The following PCDHGA1 variants were observed in gnomAD, a reference collection of about 807,000 sequenced individuals.
PCDHGA1 encodes the protein protocadherin gamma-A1.
PCDHGA1 carries 32 observed loss-of-function variants against 58.0 expected under a neutral mutation model. The ratio of observed to expected loss-of-function variants is 0.55; its 90% CI spans 0.42 to 0.74. The LOEUF (loss-of-function observed/expected upper bound fraction) is 0.74. Ranked by LOEUF, PCDHGA1 falls within the 30% of genes least tolerant of loss-of-function variation. The probability of loss-of-function intolerance (pLI) is 0.00; values close to 1 mark genes in which losing one functional copy is unlikely to be tolerated. For synonymous variants in PCDHGA1, 498 were observed against 501.1 expected (o/e 0.99, Z 0.08); for missense variants, 1,205 against 1,182.3 (o/e 1.02, Z -0.28).
chr5:141,485,151 T>G lies in PCDHGA1; in HGVS notation c.2422-9656T>G. The G allele has an allele frequency of 2.5e-6, 4 of 1,584,876 alleles. No individual in the cohort carries two copies. Among genetic ancestry groups the G allele is most frequent in the Non-Finnish European group, 3.5e-6 (4 of 1,156,528 alleles). ...GCTTCATCCGCGTCTCAGGAGCAAG[T>G]AGAGAATTAGCGGGCGGCAGCAATG... On this transcript the variant is annotated intron_variant, in intron 1 of 3. Coordinates refer to ENST00000517417, the MANE Select transcript of PCDHGA1 (RefSeq NM_018912.3). The surrounding 1 kb of genome is among the most constrained non-coding windows in gnomAD (Gnocchi z 5.7).
intron 1 of PCDHGA1, chr5:141,384,203 A>T (rs568171038): frequency 6.2e-7 from 1 of 1,613,900 alleles, no homozygotes; most frequent in African/African-American, 1.3e-5. Context: ...TTGTCCAGGG[A>T]AACTCACATA....
At chr5:141,370,806 A>C in intron 1 of PCDHGA1, 1 of 1,614,054 alleles carries the variant, frequency 6.2e-7, no homozygotes, top group Non-Finnish European at 8.5e-7. Context: ...CCAAAATATC[A>C]CTGAGCTGGA....
intron 2 of PCDHGA1, among the ~76,000 whole-genome samples, chr5:141,503,269 C>T (rs1161751693): frequency 6.6e-6 from 1 of 152,116 alleles, no homozygotes; most frequent in Non-Finnish European, 1.5e-5. Flanking sequence ...ACCCCAGCAC[C>T]TGGCTCTGTG....
Position 141,330,850 on chromosome 5 carries a change from C to T in PCDHGA1, c.166C>T (p.Pro56Ser), listed in dbSNP as rs778107898. 1 of 1,614,196 alleles carries T rather than the reference C, an allele frequency of 6.2e-7. No individual in the cohort carries two copies. The highest frequency in any genetic ancestry group is 1.1e-5 in the South Asian group (1 of 91,080). Residue 56 changes from proline (P) to serine (S), a missense_variant, in exon 1 of 4, where the codon CCC becomes TCC. Transcript: ENST00000517417. Reference sequence around the variant, plus strand: ...CATCGCCAAGGACCTAGGGCTGCAACCCCAGGAGCTGGCAGATGGCGGAGT... The same window carrying T: ...CATCGCCAAGGACCTAGGGCTGCAATCCCAGGAGCTGGCAGATGGCGGAGT... ...GNIAKDLGLQPQELADGGVRI... is the reference protein window; with the variant it reads ...GNIAKDLGLQSQELADGGVRI...
chr5:141,364,280 G>A, intron 1 of PCDHGA1: 1 of 1,516,138 alleles, frequency 6.6e-7, no homozygotes, highest in African/African-American at 1.4e-5. Context: ...GATAAATAAG[G>A]AAACAGCAGG....
chr5:141,374,564 G>C (rs898196714), intron 1 of PCDHGA1: 10 of 1,613,616 alleles, frequency 6.2e-6, no homozygotes, highest in Middle Eastern at 1.6e-4. Flanking sequence ...CTATGACCCT[G>C]ATGTGGGAAT....
rs778496260 is a variant in PCDHGA1 at position 141,376,289 on chromosome 5, C to T, written c.2421+43184C>T. On this transcript the variant is annotated intron_variant, in intron 1 of 3. Coordinates refer to ENST00000517417, the MANE Select transcript of PCDHGA1 (RefSeq NM_018912.3). ...TTCGGGAGGTGGCTTAGCGAGCATGCCCGGCTCGCACTTTGTGGGCGTGGA... is the reference window on the plus strand; with the variant it reads ...TTCGGGAGGTGGCTTAGCGAGCATGTCCGGCTCGCACTTTGTGGGCGTGGA... 3.7e-6 allele frequency: 6 copies of T among 1,614,060 alleles called. No homozygotes were observed. The highest frequency in any genetic ancestry group is 5.1e-6 in the Non-Finnish European group (6 of 1,180,046).
At chr5:141,393,399 C>A in intron 1 of PCDHGA1, 2 of 1,614,028 alleles carry the variant, frequency 1.2e-6, no homozygotes, top group Non-Finnish European at 1.7e-6. Context: ...AGAGCTGGTG[C>A]TGGAGCGCGC....
Position 141,493,775 on chromosome 5 carries a change from G to A in PCDHGA1, c.2422-1032G>A, listed in dbSNP as rs1434978072. ...CCTTGAGTGAGCCACTGGCAGTTCCGGAGCTTCCTTCTCCCTGGAGTAATC... is the reference window on the plus strand; with the variant it reads ...CCTTGAGTGAGCCACTGGCAGTTCCAGAGCTTCCTTCTCCCTGGAGTAATC... On this transcript the variant is annotated intron_variant, in intron 1 of 3. Coordinates refer to ENST00000517417, the MANE Select transcript of PCDHGA1 (RefSeq NM_018912.3). The surrounding 1 kb of genome is among the most constrained non-coding windows in gnomAD (Gnocchi z 4.3). Among the ~76,000 whole-genome samples, 1 of 152,094 alleles carries A rather than the reference G, an allele frequency of 6.6e-6. No individual in the cohort carries two copies. The highest frequency in any genetic ancestry group is 6.5e-5 in the Admixed American group (1 of 15,272).
intron 1 of PCDHGA1, among the ~76,000 whole-genome samples, chr5:141,455,439 C>T (rs966470257): frequency 1.3e-5 from 2 of 152,126 alleles, no homozygotes; most frequent in East Asian, 1.9e-4. Context: ...AGGAGGTCCC[C>T]ATCTACCGCG....
rs749000978 is a variant in PCDHGA1, at chr5:141,346,366, C to T, written c.2421+13261C>T. 6.2e-6 allele frequency: 10 copies of T among 1,614,242 alleles called. No homozygotes were observed. The Admixed American group carries it at 1.3e-4, about 22-fold the overall frequency. On this transcript the variant is annotated intron_variant, in intron 1 of 3. Coordinates refer to ENST00000517417, the MANE Select transcript of PCDHGA1 (RefSeq NM_018912.3). ...TTCCCCCAGCCCAACTATGCGGACACGCTCATCAGCCAGGAGAGCTGTGAG... is the reference window on the plus strand; with the variant it reads ...TTCCCCCAGCCCAACTATGCGGACATGCTCATCAGCCAGGAGAGCTGTGAG...
At position 141,375,580 on chromosome 5, in the gene PCDHGA1, G is replaced by C; in HGVS notation, c.2421+42475G>C. The C allele has an allele frequency of 1.9e-6, 3 of 1,614,092 alleles. 1 individual carries two copies. The highest frequency in any genetic ancestry group is 2.2e-5 in the South Asian group (2 of 91,078). On this transcript the variant is annotated intron_variant, in intron 1 of 3. Transcript: ENST00000517417. ...TGGCAGAAGACACCCTCCAGGGGGC[G>C]CCCCTGTCCTCCTACGTGTCCATCA...
intron 1 of PCDHGA1, chr5:141,390,447 G>A: frequency 1.2e-6 from 1 of 843,848 alleles, no homozygotes; most frequent in Non-Finnish European, 1.8e-6. Flanking sequence ...TACAAAGGAG[G>A]AGTAAAGTAG....
rs1290682140 is a variant in PCDHGA1 at position 141,431,692 on chromosome 5, G to A, written c.2422-63115G>A. 1 of 1,614,132 alleles carries A rather than the reference G, an allele frequency of 6.2e-7. No homozygotes were observed. The highest frequency in any genetic ancestry group is 2.2e-5 in the East Asian group (1 of 44,888). On this transcript the variant is annotated intron_variant, in intron 1 of 3. Transcript: ENST00000517417. The surrounding 1 kb of genome is among the most constrained non-coding windows in gnomAD (Gnocchi z 4.8). The stretch of plus-strand genomic sequence containing the variant: ...CAATAGGGGAGTTGGACCACGAGGA[G>A]TCAGGATTCTACCAGATGGAAGTGC...
intron 1 of PCDHGA1, chr5:141,419,164 C>G: frequency 6.2e-7 from 1 of 1,613,966 alleles, no homozygotes; most frequent in Non-Finnish European, 8.5e-7. Context: ...TATCCTCCAG[C>G]AAAACCATAA....
intron 1 of PCDHGA1, among the ~76,000 whole-genome samples, chr5:141,472,178 A>G (rs1337942457): frequency 6.6e-6 from 1 of 152,210 alleles, no homozygotes; most frequent in African/African-American, 2.4e-5. Flanking sequence ...AATATCCAGT[A>G]TTGGAATTTG....
chr5:141,433,397 A>ATCTG (rs1179042498), intron 1 of PCDHGA1, among the ~76,000 whole-genome samples: 9 of 150,410 alleles, frequency 6.0e-5, no homozygotes, highest in Non-Finnish European at 1.0e-4. Context: ...CTATCTATCT[A>ATCTG]TCTATCTATT....
chr5:141,507,937 A>T (rs2154594220), intron 3 of PCDHGA1: 1 of 152,420 alleles, frequency 6.6e-6, no homozygotes, highest in Admixed American at 6.5e-5. Context: ...AGAGGGGTTA[A>T]GTAAGAGGGA....
chr5:141,493,979 C>T lies in PCDHGA1; in HGVS notation c.2422-828C>T, dbSNP rs1273325447. ...GAAGTGGCTGGCCAGAGCCCCACAC[C>T]TTCAGCTAGGTGGGAGATGGCTACA... is the stretch of plus-strand genomic sequence containing the variant. On this transcript the variant is annotated intron_variant, in intron 1 of 3. Coordinates refer to ENST00000517417, the MANE Select transcript of PCDHGA1 (RefSeq NM_018912.3). The surrounding 1 kb of genome is among the most constrained non-coding windows in gnomAD (Gnocchi z 4.3). Among the ~76,000 whole-genome samples, 1 of 152,182 alleles carries T rather than the reference C, an allele frequency of 6.6e-6. No individual in the cohort carries two copies. Among genetic ancestry groups the T allele is most frequent in the Non-Finnish European group, 1.5e-5 (1 of 68,032 alleles).
Sources: allele counts gnomAD v4.1 joint callset (sites outside exome capture counted in the v4.1 genomes callset), GRCh38; gene constraint gnomAD v4.1.1; non-coding constraint Gnocchi (gnomAD v3.1); transcripts MANE v1.5; gene names NCBI Gene and HGNC (gene_info 2026-07-23, HGNC 2026-07-21).